Variants in EIF4A2 observed in about 807,000 individuals in gnomAD.
EIF4A2 encodes the protein eukaryotic translation initiation factor 4A2.
In EIF4A2, 9 loss-of-function variants were observed where a neutral mutation model predicts 50.6. The ratio of observed to expected loss-of-function variants is 0.18; its 90% CI spans 0.11 to 0.31. EIF4A2 has a LOEUF of 0.31. Among genes scored for constraint, EIF4A2 ranks in the 10% least tolerant of loss-of-function variants. The pLI is 1.00. For synonymous variants in EIF4A2, 215 were observed against 164.4 expected (o/e 1.31, Z -2.35); for missense variants, 182 against 501.8 (o/e 0.36, Z 6.09).
chr3:186,787,982 AAGTCAGTAGTGTTC>A, intron 10 of EIF4A2, 100 bp downstream of exon 10: 1 of 1,254,784 alleles, frequency 8.0e-7, no homozygotes, highest in Non-Finnish European at 1.1e-6. Context: ...AGATTCAGTA[AAGTCAGTAGTGTTC>A]AGTAAGATGA....
intron 10 of EIF4A2, chr3:186,788,486 T>A (rs1399217970): frequency 8.4e-7 from 1 of 1,185,958 alleles, no homozygotes; most frequent in African/African-American, 1.6e-5. Flanking sequence ...CTAAGGCATT[T>A]TTTTGTATTA....
intron 1 of EIF4A2, 21 bp downstream of exon 1, chr3:186,783,660 C>T (rs1222276264): frequency 2.5e-6 from 4 of 1,614,052 alleles, no homozygotes; most frequent in Non-Finnish European, 2.5e-6. Flanking sequence ...TGTTGGCGGT[C>T]GCGGTCTGTA....
At position 186,787,243 on chromosome 3, in the gene EIF4A2, A is replaced by G. The variant is rs746893414; in HGVS notation, c.888A>G (p.Arg296=). 27 of 1,614,036 alleles carry G rather than the reference A, an allele frequency of 1.7e-5. No homozygotes were observed. The highest frequency in any genetic ancestry group is 1.6e-5 in the Non-Finnish European group (19 of 1,180,008). Reference sequence around the variant, plus strand: ...GGCTGACTGAGAAGATGCATGCCAGAGACTTCACAGTTTCTGCTCTGGTAA... The same window carrying G: ...GGCTGACTGAGAAGATGCATGCCAGGGACTTCACAGTTTCTGCTCTGGTAA... The part of the protein sequence containing the change: ...VDWLTEKMHA[R]DFTVSALHGD... Residue 296 remains arginine (R), a synonymous_variant, in exon 8 of 11, where the codon AGA becomes AGG. Transcript: ENST00000323963.
chr3:186,784,393 C>T (rs1446947040), intron 1 of EIF4A2, 39 bp from the exon 2 acceptor site: 7 of 1,613,956 alleles, frequency 4.3e-6, no homozygotes, highest in African/African-American at 4.0e-5. Context: ...GTTGAGGTGG[C>T]CTGGAAGGGG....
At chr3:186,785,134 C>G (rs1721613683) in intron 4 of EIF4A2, 33 bp downstream of exon 4, 1 of 1,611,232 alleles carries the variant, frequency 6.2e-7, no homozygotes, top group South Asian at 1.1e-5. Context: ...AAACTGCTTG[C>G]GTGTTGCATA....
intron 1 of EIF4A2, 63 bp downstream of exon 1, chr3:186,783,702 A>G (rs878888732): frequency 3.1e-6 from 5 of 1,612,996 alleles, no homozygotes; most frequent in South Asian, 1.1e-5. Flanking sequence ...GGGAGATGAT[A>G]GTGGATGGCA....
In EIF4A2 at chr3:186,789,745, A is replaced by G. The variant is rs927976901; in HGVS notation, c.*476A>G. The G allele has an allele frequency of 1.7e-5, 8 of 467,884 alleles. No homozygotes were observed. The highest frequency in any genetic ancestry group is 3.9e-5 in the Admixed American group (1 of 25,688). The allele number at this position is 467,884 out of a possible 1,614,324, so 29.0% of individuals were successfully genotyped here. ...TTTTGTTTGGTATTGTATTTATTCA[A>G]TAAAGTATTTAATTAGTGCTAAGTG... On this transcript the variant is annotated 3_prime_UTR_variant, in exon 11 of 11. Coordinates refer to ENST00000323963, the MANE Select transcript of EIF4A2 (RefSeq NM_001967.4).
chr3:186,789,768 G>A lies in EIF4A2; in HGVS notation c.*499G>A. Reference sequence around the variant, plus strand: ...CAATAAAGTATTTAATTAGTGCTAAGTGTGAACTGGACCCTGTTGCTAAGC... The same window carrying A: ...CAATAAAGTATTTAATTAGTGCTAAATGTGAACTGGACCCTGTTGCTAAGC... On this transcript the variant is annotated 3_prime_UTR_variant, in exon 11 of 11. Transcript: ENST00000323963. 2 of 546,398 alleles carry A rather than the reference G, an allele frequency of 3.7e-6. No homozygotes were observed. Among genetic ancestry groups the A allele is most frequent in the Non-Finnish European group, 6.5e-6 (2 of 308,866 alleles). The allele number at this position is 546,398 out of a possible 1,614,324, so 33.8% of individuals were successfully genotyped here.
intron 9 of EIF4A2, 81 bp from the exon 10 acceptor site, chr3:186,787,722 A>C (rs1464794143): frequency 6.3e-7 from 1 of 1,592,256 alleles, no homozygotes; most frequent in Non-Finnish European, 8.6e-7. Context: ...CACTTAGTAT[A>C]GTTCGCTACT....
intron 7 of EIF4A2, 52 bp from the exon 8 acceptor site, chr3:186,787,074 TG>T: frequency 6.2e-7 from 1 of 1,607,894 alleles, no homozygotes; most frequent in East Asian, 2.2e-5. Context: ...AATTTTTAAC[TG>T]AAGAGTTGGA....
rs2108458594 is a variant in EIF4A2, at chr3:186,786,575, G to A, written c.701G>A (p.Arg234Gln). Reference sequence around the variant, plus strand: ...AAAAAATTCATGAGAGATCCAATTCGAATTCTGGTGAAAAAGGAAGAATTG... The same window carrying A: ...AAAAAATTCATGAGAGATCCAATTCAAATTCTGGTGAAAAAGGAAGAATTG... ...VTKKFMRDPIRILVKKEELTL... is the reference protein window; with the variant it reads ...VTKKFMRDPIQILVKKEELTL... Residue 234 changes from arginine to glutamine, a missense_variant, in exon 7 of 11, where the codon CGA becomes CAA. Physicochemically the swap from Arg to Gln is conservative, Grantham distance 43 (BLOSUM62 1). Transcript: ENST00000323963. 1.2e-6 allele frequency: 2 copies of A among 1,613,726 alleles called. No homozygotes were observed. Among genetic ancestry groups the A allele is most frequent in the Non-Finnish European group, 1.7e-6 (2 of 1,179,966 alleles).
At chr3:186,783,680 A>T (rs755970139) in intron 1 of EIF4A2, 41 bp downstream of exon 1, 11 of 1,614,030 alleles carry the variant, frequency 6.8e-6, no homozygotes, top group Non-Finnish European at 6.8e-6. Flanking sequence ...AGTGAAGGTC[A>T]TAGGGCGCCA....
At chr3:186,789,080 A>G in intron 10 of EIF4A2, 45 bp from the exon 11 acceptor site, 1 of 1,599,170 alleles carries the variant, frequency 6.3e-7, no homozygotes, top group Non-Finnish European at 8.5e-7. Context: ...TCAGTAGTTT[A>G]TACATTATGT....
downstream of EIF4A2, chr3:186,789,897 AGGTGCTTTT>A: frequency 1.1e-6 from 1 of 939,882 alleles, no homozygotes; most frequent in Non-Finnish European, 1.7e-6. Flanking sequence ...TTCACTTTAA[AGGTGCTTTT>A]GGTCATTTTA....
intron 10 of EIF4A2, chr3:186,788,085 A>C (rs1228191797): frequency 1.4e-6 from 1 of 716,856 alleles, no homozygotes; most frequent in Admixed American, 3.0e-5. Context: ...TTGTGGACAT[A>C]GGGTTTTTTT....
intron 10 of EIF4A2, 48 bp from the exon 11 acceptor site, chr3:186,789,077 T>C (rs1048841297): frequency 1.3e-6 from 2 of 1,595,966 alleles, no homozygotes; most frequent in Admixed American, 1.7e-5. Flanking sequence ...TGTTCAGTAG[T>C]TTATACATTA....
In EIF4A2 at chr3:186,785,814, C is replaced by T. The variant is rs1479170746; in HGVS notation, c.349-69C>T. The T allele has an allele frequency of 1.1e-5, 17 of 1,540,734 alleles. No individual in the cohort carries two copies. The Admixed American group carries it at 2.6e-4, about 24-fold the overall frequency. On this transcript the variant is annotated intron_variant, in intron 4 of 10. Coordinates refer to ENST00000323963, the MANE Select transcript of EIF4A2 (RefSeq NM_001967.4). ...TGTTGGCAGACCAGATTATATTTGCCTTTATGCTTTAAAAATTAGTCATTG... is the reference window on the plus strand; with the variant it reads ...TGTTGGCAGACCAGATTATATTTGCTTTTATGCTTTAAAAATTAGTCATTG...
Position 186,787,395 on chromosome 3 carries a change from TCTC to T in EIF4A2, c.910-97_910-95del, listed in dbSNP as rs564652006. 406 of 1,599,846 alleles carry T rather than the reference TCTC, an allele frequency of 2.5e-4. 5 individuals carry two copies. In the African/African-American group the frequency reaches 4.1e-3, roughly 16 times the overall value. ...TTTCTTAACTATACCTGTCTGCTAT[TCTC>T]CTGTAGCAGCCAGGGACGCTTGGTC... On this transcript the variant is annotated intron_variant, in intron 8 of 10. Transcript: ENST00000323963.
In EIF4A2 at chr3:186,787,262, C is replaced by T; in HGVS notation, c.907C>T (p.Leu303=). Residue 303 remains leucine (L), a splice_region_variant and synonymous_variant, in exon 8 of 11, where the codon CTG becomes TTG. Coordinates refer to ENST00000323963, the MANE Select transcript of EIF4A2 (RefSeq NM_001967.4). The part of the protein sequence containing the change: ...MHARDFTVSA[L]HGDMDQKERD... The stretch of plus-strand genomic sequence containing the variant: ...TGCCAGAGACTTCACAGTTTCTGCT[C>T]TGGTAAGAGGTGTTCTAAAATGTCT... The T allele has an allele frequency of 1.2e-6, 2 of 1,614,070 alleles. No individual in the cohort carries two copies. The highest frequency in any genetic ancestry group is 1.7e-6 in the Non-Finnish European group (2 of 1,179,968).
Sources: allele counts gnomAD v4.1 joint callset, GRCh38; gene constraint gnomAD v4.1.1; transcripts MANE v1.5; gene names NCBI Gene and HGNC (gene_info 2026-07-23, HGNC 2026-07-21).